Variants in GNG4 observed in about 807,000 individuals in gnomAD.
GNG4 encodes the protein guanine nucleotide-binding protein G(I)/G(S)/G(O) subunit gamma-4.
Under a neutral mutation model 5.8 loss-of-function variants are expected in GNG4, and 4 were observed. The observed-to-expected ratio is 0.69, with a 90% CI of 0.34 to 1.57. The LOEUF (loss-of-function observed/expected upper bound fraction) is 1.57. GNG4 is among the 40% of genes most tolerant of loss of function. The probability of loss-of-function intolerance (pLI) is 0.06; values close to 1 mark genes in which losing one functional copy is unlikely to be tolerated. For synonymous variants in GNG4, 29 were observed against 32.9 expected (o/e 0.88, Z 0.41); for missense variants, 96 against 95.1 (o/e 1.01, Z -0.04).
intron 3 of GNG4, among the ~76,000 whole-genome samples, chr1:235,577,242 G>A (rs74799811): frequency 0.024 from 3,592 of 152,200 alleles, 120 homozygotes; most frequent in African/African-American, 0.072. Flanking sequence ...GTCCTCTTTG[G>A]GTTCCCATCT....
chr1:235,594,475 G>T (rs1688073315), intron 2 of GNG4, among the ~76,000 whole-genome samples: 1 of 152,210 alleles, frequency 6.6e-6, no homozygotes, highest in Admixed American at 6.5e-5. Flanking sequence ...GGGTGCCATG[G>T]AGCAGGGGGC....
chr1:235,568,460 T>C (rs1687255886), intron 3 of GNG4, among the ~76,000 whole-genome samples: 1 of 152,252 alleles, frequency 6.6e-6, no homozygotes, highest in Non-Finnish European at 1.5e-5. Flanking sequence ...TATGCACATC[T>C]GTATCTCCTT....
intron 3 of GNG4, among the ~76,000 whole-genome samples, chr1:235,575,430 C>T (rs1275384376): frequency 6.6e-6 from 1 of 152,190 alleles, no homozygotes; most frequent in Non-Finnish European, 1.5e-5. Context: ...TTTAGTGCAT[C>T]CATCACCTGA....
intron 1 of GNG4, among the ~76,000 whole-genome samples, chr1:235,646,205 A>G (rs1657507632): frequency 6.6e-6 from 1 of 152,244 alleles, no homozygotes; most frequent in Admixed American, 6.5e-5. Context: ...CTAAGAAGCA[A>G]GAGAAACAAA....
intron 1 of GNG4, among the ~76,000 whole-genome samples, chr1:235,606,698 A>G (rs2102965724): frequency 6.6e-6 from 1 of 152,202 alleles, no homozygotes; most frequent in Admixed American, 6.5e-5. Flanking sequence ...ACTGATAGAG[A>G]TGGAATTCAC....
At chr1:235,603,289 T>A (rs1558493576) in intron 1 of GNG4, among the ~76,000 whole-genome samples, 2 of 141,878 alleles carry the variant, frequency 1.4e-5, no homozygotes, top group Middle Eastern at 3.3e-3. Context: ...ATAATAATAA[T>A]AAAAGGCAGG....
intron 1 of GNG4, among the ~76,000 whole-genome samples, chr1:235,614,093 G>A (rs571244207): frequency 2.6e-5 from 4 of 152,218 alleles, no homozygotes; most frequent in Non-Finnish European, 2.9e-5. Flanking sequence ...AATTACAGGC[G>A]TGAGCCGCTG....
intron 1 of GNG4, among the ~76,000 whole-genome samples, chr1:235,614,300 A>C (rs1305602767): frequency 6.7e-6 from 1 of 149,550 alleles, no homozygotes; most frequent in African/African-American, 2.5e-5. Context: ...TTTTTCTTGG[A>C]TGGTCTGGCT....
chr1:235,574,683 A>G (rs1248271557), intron 3 of GNG4, among the ~76,000 whole-genome samples: 3 of 152,060 alleles, frequency 2.0e-5, no homozygotes, highest in Non-Finnish European at 4.4e-5. Context: ...TTTTTTGATT[A>G]TTTGTTCTCC....
At chr1:235,575,871 T>G (rs1687471256) in intron 3 of GNG4, among the ~76,000 whole-genome samples, 1 of 152,154 alleles carries the variant, frequency 6.6e-6, no homozygotes, top group Admixed American at 6.5e-5. Context: ...GTGTCCTGAC[T>G]CTGCCTGGGA....
intron 1 of GNG4, among the ~76,000 whole-genome samples, chr1:235,602,335 T>C (rs1688273581): frequency 6.6e-6 from 1 of 152,108 alleles, no homozygotes; most frequent in South Asian, 2.1e-4. Flanking sequence ...TCCAGGTGGT[T>C]CTGATGCTCA....
intron 3 of GNG4, among the ~76,000 whole-genome samples, chr1:235,580,202 C>A (rs575288687): frequency 1.3e-5 from 2 of 152,202 alleles, no homozygotes; most frequent in African/African-American, 4.8e-5. Context: ...ATATGAGATA[C>A]CTAGTGTAGT....
chr1:235,616,016 C>T (rs1399014172), intron 1 of GNG4: 8 of 335,396 alleles, frequency 2.4e-5, no homozygotes, highest in South Asian at 9.8e-5. Flanking sequence ...CCTCTTTCAC[C>T]GTCTGTGTGG....
At position 235,547,783 on chromosome 1, in the gene GNG4, A is replaced by C. The variant is rs1235297287; in HGVS notation, c.*4326T>G. On this transcript the variant is annotated 3_prime_UTR_variant, in exon 4 of 4. Transcript: ENST00000391854. ...CAGCTCCAAGAATGTTCACAAACGG[A>C]AAGCACCCAGGTAACCGGCAACCAG... 2 of 152,182 alleles carry C rather than the reference A, an allele frequency of 1.3e-5. No individual in the cohort carries two copies. The highest frequency in any genetic ancestry group is 2.4e-5 in the African/African-American group (1 of 41,434). 9.4% of individuals were successfully genotyped at this position (152,182 alleles called of 1,614,324 possible).
intron 3 of GNG4, among the ~76,000 whole-genome samples, chr1:235,579,647 T>TC: frequency 6.6e-6 from 1 of 151,884 alleles, no homozygotes; most frequent in East Asian, 1.9e-4. Flanking sequence ...GGTCAGGAGT[T>TC]CGAGACCAGC....
rs1657587172 is a variant in GNG4 at position 235,648,992 on chromosome 1, G to C, written c.-123+670C>G. Among the ~76,000 whole-genome samples, 1 of 152,156 alleles carries C rather than the reference G, an allele frequency of 6.6e-6. No individual in the cohort carries two copies. Among genetic ancestry groups the C allele is most frequent in the Non-Finnish European group, 1.5e-5 (1 of 68,028 alleles). On this transcript the variant is annotated intron_variant, in intron 1 of 3. Transcript: ENST00000391854. This position sits in a 1 kb window ranked among gnomAD's most constrained non-coding sequence, Gnocchi z 5.0. ...TCCCGCCGTTTCGCGTTATTTCCAAGGCAATTTAAAAAATCAAGCCAAACA... is the reference window on the plus strand; with the variant it reads ...TCCCGCCGTTTCGCGTTATTTCCAACGCAATTTAAAAAATCAAGCCAAACA...
At chr1:235,559,963 A>G (rs1687015597) in intron 3 of GNG4, among the ~76,000 whole-genome samples, 1 of 152,186 alleles carries the variant, frequency 6.6e-6, no homozygotes, top group African/African-American at 2.4e-5. Flanking sequence ...AATATGATTG[A>G]CCTAGATCCA....
At chr1:235,641,477 G>A (rs1657327334) in intron 1 of GNG4, among the ~76,000 whole-genome samples, 1 of 152,142 alleles carries the variant, frequency 6.6e-6, no homozygotes, top group Admixed American at 6.5e-5. Context: ...GATCACCTGA[G>A]GTCAGGAGTT....
At chr1:235,587,016 CA>C (rs1400861957) in intron 2 of GNG4, among the ~76,000 whole-genome samples, 1 of 151,890 alleles carries the variant, frequency 6.6e-6, no homozygotes, top group African/African-American at 2.4e-5. Flanking sequence ...GGGGGAGGTT[CA>C]GGGGAGGAGG....
Sources: gnomAD v4.1 joint callset for allele counts (sites outside exome capture counted in the v4.1 genomes callset) on GRCh38, gnomAD v4.1.1 for gene constraint, Gnocchi (gnomAD v3.1) non-coding constraint, MANE v1.5 for transcripts, NCBI Gene and HGNC (gene_info 2026-07-23, HGNC 2026-07-21) for gene names.